Variants in ZBTB8OS observed in about 807,000 individuals in gnomAD.
ZBTB8OS encodes tRNA-splicing ligase-activating factor archease.
ZBTB8OS carries 16 observed loss-of-function variants against 29.3 expected under a neutral mutation model. The observed-to-expected ratio is 0.55, with a 90% CI of 0.37 to 0.83. ZBTB8OS has a LOEUF of 0.83. Among genes scored for constraint, ZBTB8OS ranks in the 40% least tolerant of loss-of-function variants. The pLI, the probability that ZBTB8OS is intolerant of heterozygous loss-of-function variation, is 0.00. For synonymous variants in ZBTB8OS, 70 were observed against 64.6 expected (o/e 1.08, Z -0.40); for missense variants, 160 against 196.9 (o/e 0.81, Z 1.12).
intron 5 of ZBTB8OS, among the ~76,000 whole-genome samples, chr1:32,631,098 A>G (rs185005043): frequency 6.6e-6 from 1 of 152,040 alleles, no homozygotes; most frequent in Admixed American, 6.6e-5. Flanking sequence ...GCTCATGCCT[A>G]TTACCTCAGC....
chr1:32,650,409 G>C, intron 1 of ZBTB8OS, 24 bp downstream of exon 1: 1 of 1,613,968 alleles, frequency 6.2e-7, no homozygotes, highest in Non-Finnish European at 8.5e-7. Flanking sequence ...TACATGTAAA[G>C]AGAGAAGTAA....
At chr1:32,643,778 A>G (rs1371947111) in intron 1 of ZBTB8OS, among the ~76,000 whole-genome samples, 1 of 151,100 alleles carries the variant, frequency 6.6e-6, no homozygotes, top group East Asian at 1.9e-4. Context: ...TACAGGCGTG[A>G]GCCACCATGC....
At chr1:32,631,544 A>G (rs1645560883) in intron 5 of ZBTB8OS, among the ~76,000 whole-genome samples, 1 of 152,160 alleles carries the variant, frequency 6.6e-6, no homozygotes, top group African/African-American at 2.4e-5. Flanking sequence ...CATATGAGAA[A>G]AAAAGTGTCA....
At chr1:32,622,962 GAT>G (rs1322100563) in intron 6 of ZBTB8OS, among the ~76,000 whole-genome samples, 3 of 152,068 alleles carry the variant, frequency 2.0e-5, no homozygotes, top group African/African-American at 7.2e-5. Context: ...TGAAGAATAA[GAT>G]ATAGTTTCCC....
intron 4 of ZBTB8OS, chr1:32,633,247 G>A (rs769142452): frequency 6.1e-4 from 97 of 158,618 alleles, no homozygotes; most frequent in Admixed American, 1.2e-3. Flanking sequence ...ATGAGGCTGC[G>A]TGCAATGCTC....
At chr1:32,636,049 C>T (rs190168121) in intron 1 of ZBTB8OS, among the ~76,000 whole-genome samples, 48 of 152,236 alleles carry the variant, frequency 3.2e-4, no homozygotes, top group Admixed American at 7.2e-4. Flanking sequence ...ATTTTGCAGA[C>T]CCTGCACTCA....
intron 1 of ZBTB8OS, among the ~76,000 whole-genome samples, chr1:32,646,610 A>G (rs12737343): frequency 0.97 from 147,003 of 151,066 alleles, 71,653 homozygotes; most frequent in East Asian, 1. Flanking sequence ...GGATGGCCTC[A>G]ATCTCCTGAC....
intron 2 of ZBTB8OS, chr1:32,634,528 A>G (rs914833892): frequency 7.1e-6 from 4 of 561,064 alleles, no homozygotes; most frequent in African/African-American, 1.9e-5. Context: ...ACCCGGCCTT[A>G]TTTTTATTTT....
chr1:32,634,042 T>G lies in ZBTB8OS; in HGVS notation c.153A>C (p.Glu51Asp), dbSNP rs754387102. Residue 51 changes from glutamate to aspartate, a missense_variant, in exon 3 of 7, where the codon GAA becomes GAC. Physicochemically the swap from Glu to Asp is conservative, Grantham distance 45 (BLOSUM62 2). Transcript: ENST00000468695. ...QLHAWGDTLE[E>D]AFEQCAMAMF... ...TGGCCATTGCACATTGCTCAAATGC[T>G]TCCTCCAGAGTATCTCCCCATGCGT... 6.2e-7 allele frequency: 1 copy of G among 1,601,320 alleles called. No individual in the cohort carries two copies. The highest frequency in any genetic ancestry group is 8.5e-7 in the Non-Finnish European group (1 of 1,176,994).
chr1:32,622,032 A>G, intron 6 of ZBTB8OS, 84 bp from the exon 7 acceptor site: 1 of 967,858 alleles, frequency 1.0e-6, no homozygotes, highest in Non-Finnish European at 1.5e-6. Flanking sequence ...AACAATCAGC[A>G]GAAAGTAAAA....
At chr1:32,637,531 G>A (rs558253102) in intron 1 of ZBTB8OS, among the ~76,000 whole-genome samples, 3 of 140,300 alleles carry the variant, frequency 2.1e-5, no homozygotes, top group South Asian at 4.7e-4. Flanking sequence ...TTGCACCACC[G>A]CACTCCAGTG....
At position 32,638,469 on chromosome 1, in the gene ZBTB8OS, C is replaced by T. The variant is rs551011058; in HGVS notation, c.98-3677G>A. Among the ~76,000 whole-genome samples, 6 of 152,028 alleles carry T rather than the reference C, an allele frequency of 3.9e-5. 1 individual carries two copies. The highest frequency in any genetic ancestry group is 1.2e-4 in the African/African-American group (5 of 41,514). On this transcript the variant is annotated intron_variant, in intron 1 of 6. Transcript: ENST00000468695. ...GCCTCCCAAAAGCTGGGATTACAGG[C>T]GTGAGCCACTGCGACCAGCCCAGAA...
intron 6 of ZBTB8OS, among the ~76,000 whole-genome samples, chr1:32,624,686 G>A (rs1644981771): frequency 6.6e-6 from 1 of 152,066 alleles, no homozygotes; most frequent in Non-Finnish European, 1.5e-5. Flanking sequence ...CTGAAGTCAG[G>A]AGTTTGAGAC....
At chr1:32,623,624 C>T (rs968090865) in intron 6 of ZBTB8OS, among the ~76,000 whole-genome samples, 2 of 152,144 alleles carry the variant, frequency 1.3e-5, no homozygotes, top group African/African-American at 4.8e-5. Context: ...ATCCTATACT[C>T]CCCTTACCAA....
intron 1 of ZBTB8OS, 41 bp from the exon 2 acceptor site, chr1:32,634,833 T>C: frequency 7.6e-7 from 1 of 1,318,780 alleles, no homozygotes; most frequent in Non-Finnish European, 1.1e-6. Flanking sequence ...ACACTAAACT[T>C]GACTCTCAAA....
At chr1:32,650,715 A>G (rs1021647542), upstream of ZBTB8OS, 4 of 1,018,028 alleles carry the variant, frequency 3.9e-6, no homozygotes, top group African/African-American at 6.5e-5. Flanking sequence ...TAAAAAGCCA[A>G]AACCCCATCT....
At chr1:32,644,603 A>G (rs935941735) in intron 1 of ZBTB8OS, among the ~76,000 whole-genome samples, 1 of 148,780 alleles carries the variant, frequency 6.7e-6, no homozygotes, top group African/African-American at 2.5e-5. Context: ...CATGATGATA[A>G]CCCACTGCAA....
At chr1:32,646,818 C>CCTGAGA in intron 1 of ZBTB8OS, among the ~76,000 whole-genome samples, 1 of 149,720 alleles carries the variant, frequency 6.7e-6, no homozygotes, top group African/African-American at 2.5e-5. Flanking sequence ...GGGCGGATCA[C>CCTGAGA]TTGAGGTCAG....
chr1:32,627,917 T>G (rs1645237532), intron 5 of ZBTB8OS: 1 of 182,896 alleles, frequency 5.5e-6, no homozygotes, highest in Non-Finnish European at 1.1e-5. Flanking sequence ...TGGTGGCACA[T>G]GCCTGTGGTC....
Sources: allele counts gnomAD v4.1 joint callset (sites outside exome capture counted in the v4.1 genomes callset), GRCh38; gene constraint gnomAD v4.1.1; transcripts MANE v1.5; gene names NCBI Gene and HGNC (gene_info 2026-07-23, HGNC 2026-07-21).